Variants in NEK10 observed in about 807,000 individuals in gnomAD.
The protein encoded by NEK10 is NIMA related kinase 10.
Under a neutral mutation model 159.8 loss-of-function variants are expected in NEK10, and 122 were observed. That is an observed-to-expected ratio of 0.76 (90% CI 0.66 to 0.89). The LOEUF (loss-of-function observed/expected upper bound fraction) is 0.89, where lower values mean the gene tolerates loss of function less well. NEK10 is among the 40% of genes least tolerant of loss of function. The pLI is 0.00. For synonymous variants in NEK10, 466 were observed against 457.1 expected (o/e 1.02, Z -0.25); for missense variants, 1,342 against 1,323.1 (o/e 1.01, Z -0.22).
intron 20 of NEK10, 138 bp downstream of exon 20, chr3:27,287,560 T>C: frequency 1.2e-6 from 1 of 817,814 alleles, no homozygotes; most frequent in Admixed American, 4.1e-5. Context: ...AAGTGATGCT[T>C]AAGACCATCT....
intron 33 of NEK10, among the ~76,000 whole-genome samples, chr3:27,118,985 C>T (rs983337178): frequency 3.3e-5 from 5 of 152,140 alleles, no homozygotes; most frequent in African/African-American, 1.2e-4. Flanking sequence ...ATCCACTCCT[C>T]CAAGTGACAT....
chr3:27,306,926 T>A (rs1446071364), intron 11 of NEK10, among the ~76,000 whole-genome samples: 1 of 152,194 alleles, frequency 6.6e-6, no homozygotes, highest in African/African-American at 2.4e-5. Context: ...TGTTTTTATG[T>A]TGTCTCTCTC....
intron 1 of NEK10, among the ~76,000 whole-genome samples, chr3:27,355,051 T>C (rs1478257058): frequency 1.3e-5 from 2 of 150,868 alleles, no homozygotes; most frequent in East Asian, 4.0e-4. Context: ...CCCACATATA[T>C]CCACTAAAAT....
In NEK10 at chr3:27,247,820, CT is replaced by C. The variant is rs111440414; in HGVS notation, c.2090+8475del. On this transcript the variant is annotated intron_variant, in intron 23 of 35. Transcript: ENST00000691995. ...TTTTAATTTTCTTTTCTTTTCTTTT[CT>C]TTTTTTTTTTTTTTTCTGGAGGCGT... 1.1e-3 allele frequency among the ~76,000 whole-genome samples: 139 copies of C among 125,882 alleles called. 1 individual carries two copies. Among genetic ancestry groups the C allele is most frequent in the South Asian group, 4.8e-3 (19 of 3,920 alleles). The allele number at this position is 125,882 out of a possible 152,430, so 82.6% of individuals were successfully genotyped here. A position where few individuals can be genotyped will look rare whatever the true frequency, so the allele number is the denominator to read the frequency against.
chr3:27,305,213 C>T (rs1469609240), intron 11 of NEK10, among the ~76,000 whole-genome samples: 1 of 152,180 alleles, frequency 6.6e-6, no homozygotes, highest in Non-Finnish European at 1.5e-5. Flanking sequence ...CCATAGACAA[C>T]ATATAAAAAT....
chr3:27,296,842 A>C (rs904460664), intron 14 of NEK10, among the ~76,000 whole-genome samples: 4 of 152,170 alleles, frequency 2.6e-5, no homozygotes, highest in African/African-American at 9.6e-5. Flanking sequence ...GTCTTAATCA[A>C]AATGATTGCT....
At position 27,301,698 on chromosome 3, in the gene NEK10, G is replaced by T. The variant is rs2043837779; in HGVS notation, c.1166C>A (p.Ala389Glu). 4 of 1,549,770 alleles carry T rather than the reference G, an allele frequency of 2.6e-6. No homozygotes were observed. Among genetic ancestry groups the T allele is most frequent in the African/African-American group, 1.4e-5 (1 of 73,298 alleles). ...ATCAAATAATAAAACATAAATACCT[G>T]CTTGAAGTGAGAAAGTATTTTCTTG... is the stretch of plus-strand genomic sequence containing the variant. ...EIQENTFSLQAACCAALTELV... is the reference protein window; with the variant it reads ...EIQENTFSLQEACCAALTELV... The change falls in exon 13 of 36, where the codon GCA (alanine) becomes GAA (glutamate). Residue 389 changes from alanine to glutamate, a missense_variant and splice_region_variant. By Grantham distance (107) the Ala-to-Glu change is moderately radical. Transcript: ENST00000691995.
chr3:27,289,034 T>G (rs1276929720), intron 19 of NEK10, among the ~76,000 whole-genome samples: 1 of 152,204 alleles, frequency 6.6e-6, no homozygotes, highest in Non-Finnish European at 1.5e-5. Flanking sequence ...GTGTGAACTC[T>G]AAACCTTGGG....
chr3:27,267,237 C>T (rs1400552804), intron 22 of NEK10, among the ~76,000 whole-genome samples: 1 of 152,204 alleles, frequency 6.6e-6, no homozygotes, highest in Non-Finnish European at 1.5e-5. Context: ...GTCATACCCT[C>T]TCCAACAAAG....
chr3:27,249,065 A>G (rs1955396298), intron 23 of NEK10, among the ~76,000 whole-genome samples: 1 of 152,174 alleles, frequency 6.6e-6, no homozygotes, highest in Non-Finnish European at 1.5e-5. Context: ...GGTGGAGGTA[A>G]TTGAATCATG....
intron 31 of NEK10, 61 bp from the exon 32 acceptor site, chr3:27,132,051 A>C (rs1942684558): frequency 3.2e-6 from 3 of 923,738 alleles, no homozygotes; most frequent in Non-Finnish European, 5.1e-6. Flanking sequence ...AGCTGACTAC[A>C]AAAAGCATTC....
chr3:27,295,066 G>C (rs1322344589), intron 15 of NEK10, among the ~76,000 whole-genome samples: 3 of 151,900 alleles, frequency 2.0e-5, no homozygotes, highest in Non-Finnish European at 4.4e-5. Flanking sequence ...TCTTACATGT[G>C]AGGCCTCATC....
chr3:27,349,700 T>C (rs963966567), intron 3 of NEK10, among the ~76,000 whole-genome samples: 4 of 152,220 alleles, frequency 2.6e-5, no homozygotes, highest in African/African-American at 9.6e-5. Context: ...ATTCCAGGTC[T>C]CATCAGGTTG....
intron 23 of NEK10, among the ~76,000 whole-genome samples, chr3:27,235,630 T>G (rs1009589169): frequency 6.6e-6 from 1 of 152,106 alleles, no homozygotes; most frequent in African/African-American, 2.4e-5. Flanking sequence ...GATGAGGTTG[T>G]GGAGAAAAAG....
At chr3:27,235,949 C>T (rs757537556) in intron 23 of NEK10, among the ~76,000 whole-genome samples, 3 of 152,156 alleles carry the variant, frequency 2.0e-5, no homozygotes, top group Non-Finnish European at 4.4e-5. Flanking sequence ...TACATATACA[C>T]CATGGAATAC....
intron 30 of NEK10, among the ~76,000 whole-genome samples, chr3:27,144,281 T>C (rs552029257): frequency 4.4e-4 from 67 of 152,374 alleles, no homozygotes; most frequent in African/African-American, 1.6e-3. Context: ...TGAAGACTAC[T>C]ATGTGTCCTG....
intron 6 of NEK10, among the ~76,000 whole-genome samples, chr3:27,316,392 G>T (rs919014340): frequency 6.6e-6 from 1 of 152,128 alleles, no homozygotes; most frequent in Non-Finnish European, 1.5e-5. Flanking sequence ...GGGAGTGGCT[G>T]GGCACAATGT....
At chr3:27,278,771 T>C in intron 22 of NEK10, 5 of 985,308 alleles carry the variant, frequency 5.1e-6, no homozygotes, top group Non-Finnish European at 6.0e-6. Flanking sequence ...TCAAGAAATC[T>C]GGAATGGTGG....
intron 3 of NEK10, among the ~76,000 whole-genome samples, chr3:27,347,383 T>A (rs984122177): frequency 6.6e-6 from 1 of 151,338 alleles, no homozygotes; most frequent in Non-Finnish European, 1.5e-5. Context: ...ATGCCTGTAA[T>A]CCCAGCTACT....
Sources: gnomAD v4.1 joint callset for allele counts (sites outside exome capture counted in the v4.1 genomes callset) on GRCh38, gnomAD v4.1.1 for gene constraint, MANE v1.5 for transcripts, NCBI Gene and HGNC (gene_info 2026-07-23, HGNC 2026-07-21) for gene names.